RNF38: variants seen among roughly 807,000 people sequenced by gnomAD.
RNF38 encodes E3 ubiquitin-protein ligase RNF38.
A neutral mutation model predicts 67.2 loss-of-function variants in RNF38; 15 were observed. The observed-to-expected ratio is 0.22, with a 90% CI of 0.15 to 0.34. The LOEUF (loss-of-function observed/expected upper bound fraction) is 0.34. RNF38 is among the 10% of genes least tolerant of loss of function. RNF38 has a pLI of 1.00. For synonymous variants in RNF38, 220 were observed against 218.8 expected (o/e 1.01, Z -0.05); for missense variants, 524 against 639.9 (o/e 0.82, Z 1.95).
At chr9:36,364,996 C>T (rs759162488) in intron 4 of RNF38, among the ~76,000 whole-genome samples, 27 of 152,164 alleles carry the variant, frequency 1.8e-4, no homozygotes, top group Non-Finnish European at 3.5e-4. Flanking sequence ...ATGGTCTCTG[C>T]ACAAAGTAAC....
At chr9:36,400,358 A>G, upstream of RNF38, 1 of 1,211,202 alleles carries the variant, frequency 8.3e-7, no homozygotes, top group Non-Finnish European at 1.0e-6. Flanking sequence ...GGAGCGAGAG[A>G]GCGAGGCCAT....
At position 36,363,859 on chromosome 9, in the gene RNF38, C is replaced by G. The variant is rs562213495; in HGVS notation, c.570+5860G>C. ...CAACATGAGTTTGAACTGCATGGGTCTACTTATATGCAGATTTTTTTTTTT... is the reference window on the plus strand; with the variant it reads ...CAACATGAGTTTGAACTGCATGGGTGTACTTATATGCAGATTTTTTTTTTT... On this transcript the variant is annotated intron_variant, in intron 4 of 11. Coordinates refer to ENST00000259605, the MANE Select transcript of RNF38 (RefSeq NM_022781.5). Among the ~76,000 whole-genome samples the G allele has an allele frequency of 4.3e-5, 4 of 92,940 alleles. 1 individual carries two copies. The East Asian group carries it at 1.1e-3, about 25-fold the overall frequency. The allele number at this position is 92,940 out of a possible 152,430, so 61.0% of individuals were successfully genotyped here.
intron 1 of RNF38, among the ~76,000 whole-genome samples, chr9:36,453,191 T>C (rs1839501381): frequency 6.6e-6 from 1 of 152,124 alleles, no homozygotes; most frequent in African/African-American, 2.4e-5. Flanking sequence ...ATAGCCATCT[T>C]AACAAGTGTG....
intron 1 of RNF38, among the ~76,000 whole-genome samples, chr9:36,435,754 C>T (rs1218314918): frequency 3.3e-5 from 5 of 151,858 alleles, no homozygotes; most frequent in Non-Finnish European, 7.4e-5. Context: ...CTCAGCCTCC[C>T]GAGTAGCTGG....
At chr9:36,369,223 G>A (rs1835190152) in intron 4 of RNF38, among the ~76,000 whole-genome samples, 3 of 152,114 alleles carry the variant, frequency 2.0e-5, no homozygotes, top group Admixed American at 2.0e-4. Flanking sequence ...TTCATTCTAA[G>A]CTTTCATAAC....
intron 1 of RNF38, among the ~76,000 whole-genome samples, chr9:36,479,054 T>C (rs1840188631): frequency 6.6e-6 from 1 of 152,186 alleles, no homozygotes; most frequent in South Asian, 2.1e-4. Flanking sequence ...AATTTAAAAC[T>C]CTGAAATGTA....
intron 1 of RNF38, among the ~76,000 whole-genome samples, chr9:36,478,141 A>AT (rs1365865501): frequency 2.0e-5 from 3 of 152,142 alleles, no homozygotes; most frequent in East Asian, 1.9e-4. Context: ...AATGGTTGAT[A>AT]TAAGTGTTTA....
At chr9:36,368,642 A>G (rs1835147917) in intron 4 of RNF38, among the ~76,000 whole-genome samples, 1 of 152,178 alleles carries the variant, frequency 6.6e-6, no homozygotes, top group Non-Finnish European at 1.5e-5. Context: ...GCTTTCCTAC[A>G]TGATCAATTT....
intron 2 of RNF38, among the ~76,000 whole-genome samples, chr9:36,419,119 A>G (rs1587103883): frequency 6.6e-6 from 1 of 152,360 alleles, no homozygotes; most frequent in East Asian, 1.9e-4. Flanking sequence ...TTTCACACTC[A>G]AAGGAAGTAC....
At chr9:36,359,769 A>C (rs1402632927) in intron 4 of RNF38, among the ~76,000 whole-genome samples, 1 of 147,566 alleles carries the variant, frequency 6.8e-6, no homozygotes, top group Non-Finnish European at 1.5e-5. Context: ...AGTTTCGCCC[A>C]GGCTCCAGCC....
rs975826289 is a variant in RNF38, at chr9:36,467,254, CACACAT to C, written n.241+20048_241+20053del. Reference sequence around the variant, plus strand: ...TATAATATATATATATACACACACACACACATATACACACACATACATATATGGGTA... The same window carrying C: ...TATAATATATATATATACACACACACATACACACACATACATATATGGGTA... On this transcript the variant is annotated intron_variant and non_coding_transcript_variant, in intron 1 of 3. Coordinates refer to the RNF38 transcript ENST00000488058. 1.3e-4 allele frequency among the ~76,000 whole-genome samples: 13 copies of C among 100,102 alleles called. No individual in the cohort carries two copies. In the Admixed American group the frequency reaches 1.4e-3, roughly 11 times the overall value. The allele number at this position is 100,102 out of a possible 152,430, so 65.7% of individuals were successfully genotyped here.
In RNF38 at chr9:36,369,436, C is replaced by T. The variant is rs1314561344; in HGVS notation, c.570+283G>A. Among the ~76,000 whole-genome samples the T allele has an allele frequency of 5.3e-5, 8 of 152,060 alleles. No individual in the cohort carries two copies. The South Asian group carries it at 8.3e-4, about 16-fold the overall frequency. ...GGGTTTCACTGTGTTAGGCTTGTCT[C>T]GAATGCCTAAGCTCAAGTGATGTGC... On this transcript the variant is annotated intron_variant, in intron 4 of 11. Coordinates refer to ENST00000259605, the MANE Select transcript of RNF38 (RefSeq NM_022781.5).
upstream of RNF38, chr9:36,401,217 G>GCGGGGCTGCGCGCGGCC (rs1295266325): frequency 1.0e-6 from 1 of 982,176 alleles, no homozygotes; most frequent in Non-Finnish European, 1.2e-6. Flanking sequence ...GCGGGGCGGG[G>GCGGGGCTGCGCGCGGCC]CGGGGCTGCG....
At chr9:36,465,273 T>A (rs1352271136) in intron 1 of RNF38, among the ~76,000 whole-genome samples, 1 of 152,262 alleles carries the variant, frequency 6.6e-6, no homozygotes, top group Non-Finnish European at 1.5e-5. Flanking sequence ...GGTGGGTTCG[T>A]GTTTACACAA....
At chr9:36,411,157 C>CA (rs199916194) in intron 2 of RNF38, among the ~76,000 whole-genome samples, 1,553 of 67,500 alleles carry the variant, frequency 0.023, 11 homozygotes, top group South Asian at 0.058. Flanking sequence ...AACTGAACAG[C>CA]AAAAAAAAAA....
At chr9:36,345,009 A>T in intron 9 of RNF38, 56 bp from the exon 10 acceptor site, 1 of 1,563,760 alleles carries the variant, frequency 6.4e-7, no homozygotes, top group Non-Finnish European at 8.7e-7. Context: ...GCATTCCAAT[A>T]CTTTTTTTTT....
At chr9:36,424,417 G>A (rs563889857) in intron 2 of RNF38, among the ~76,000 whole-genome samples, 32 of 152,114 alleles carry the variant, frequency 2.1e-4, no homozygotes, top group African/African-American at 6.8e-4. Flanking sequence ...AACCCACCTC[G>A]GGTTGAGGAA....
chr9:36,406,827 C>T (rs1191146395), intron 2 of RNF38, among the ~76,000 whole-genome samples: 1 of 152,158 alleles, frequency 6.6e-6, no homozygotes, highest in Non-Finnish European at 1.5e-5. Flanking sequence ...CCCTAAGTTT[C>T]CTTTCTTCCT....
chr9:36,463,707 A>T (rs1001857063), intron 1 of RNF38, among the ~76,000 whole-genome samples: 1 of 152,238 alleles, frequency 6.6e-6, no homozygotes, highest in Non-Finnish European at 1.5e-5. Flanking sequence ...TGTATGGTGC[A>T]CTGGGATTAG....
Sources: allele counts gnomAD v4.1 joint callset (sites outside exome capture counted in the v4.1 genomes callset), GRCh38; gene constraint gnomAD v4.1.1; transcripts MANE v1.5; gene names NCBI Gene and HGNC (gene_info 2026-07-23, HGNC 2026-07-21).